MOB3B: variants seen among roughly 807,000 people sequenced by gnomAD.
MOB3B encodes MOB kinase activator 3B, also known as MOB kinase activator-like 2B.
MOB3B carries 7 observed loss-of-function variants against 18.7 expected under a neutral mutation model. The observed-to-expected ratio is 0.37, with a 90% CI of 0.21 to 0.70. The LOEUF is 0.70. Ranked by LOEUF, MOB3B falls within the 30% of genes least tolerant of loss-of-function variation. The pLI is 0.52. For synonymous variants in MOB3B, 111 were observed against 99.9 expected (o/e 1.11, Z -0.66); for missense variants, 253 against 281.3 (o/e 0.90, Z 0.72).
intron 2 of MOB3B, among the ~76,000 whole-genome samples, chr9:27,432,535 T>G (rs755780803): frequency 3.1e-4 from 47 of 152,196 alleles, no homozygotes; most frequent in Non-Finnish European, 6.0e-4. Flanking sequence ...GCAAGTCTCT[T>G]TTGAATGGAA....
At chr9:27,380,348 T>A (rs1426242494) in intron 2 of MOB3B, among the ~76,000 whole-genome samples, 1 of 145,276 alleles carries the variant, frequency 6.9e-6, no homozygotes, top group African/African-American at 2.5e-5. Context: ...CACTGCAACC[T>A]CCGCCTCAGC....
At chr9:27,419,601 CA>C (rs1822209315) in intron 2 of MOB3B, among the ~76,000 whole-genome samples, 1 of 152,126 alleles carries the variant, frequency 6.6e-6, no homozygotes, top group Non-Finnish European at 1.5e-5. Flanking sequence ...TGGCTAGCCA[CA>C]AGTAGGAGAA....
chr9:27,376,071 T>C (rs187953106), intron 2 of MOB3B, among the ~76,000 whole-genome samples: 1 of 152,368 alleles, frequency 6.6e-6, no homozygotes, highest in East Asian at 1.9e-4. Flanking sequence ...TGTGTGTATG[T>C]ATATAGTTTT....
chr9:27,342,554 C>G (rs10812571), intron 3 of MOB3B, among the ~76,000 whole-genome samples: 2 of 151,788 alleles, frequency 1.3e-5, no homozygotes, highest in Non-Finnish European at 2.9e-5. Context: ...CTTGGCTCAC[C>G]GCAACCTCCC....
intron 2 of MOB3B, 96 bp from the exon 3 acceptor site, chr9:27,359,332 A>G: frequency 1.2e-6 from 1 of 846,112 alleles, no homozygotes; most frequent in Non-Finnish European, 1.8e-6. Flanking sequence ...GCAATGCTAC[A>G]GGGAGACTGG....
chr9:27,453,580 C>G (rs760739274), intron 2 of MOB3B, among the ~76,000 whole-genome samples: 6 of 152,240 alleles, frequency 3.9e-5, no homozygotes, highest in Non-Finnish European at 5.9e-5. Context: ...CTTCCTCTCT[C>G]TCAAGTAACA....
intron 1 of MOB3B, among the ~76,000 whole-genome samples, chr9:27,501,090 G>C (rs1056565051): frequency 6.6e-6 from 1 of 152,152 alleles, no homozygotes; most frequent in Non-Finnish European, 1.5e-5. Flanking sequence ...ACATTAAAAA[G>C]TCAGGAAACA....
intron 1 of MOB3B, among the ~76,000 whole-genome samples, chr9:27,490,894 A>G (rs1239901680): frequency 6.6e-6 from 1 of 152,162 alleles, no homozygotes; most frequent in African/African-American, 2.4e-5. Context: ...CAGAAAAGCA[A>G]ATTCGAAGGA....
chr9:27,507,417 A>T (rs957442778), intron 1 of MOB3B, among the ~76,000 whole-genome samples: 1 of 152,180 alleles, frequency 6.6e-6, no homozygotes, highest in Non-Finnish European at 1.5e-5. Context: ...GACATCTCTT[A>T]CGGTACTTTG....
At chr9:27,403,488 G>A (rs1193380910) in intron 2 of MOB3B, among the ~76,000 whole-genome samples, 4 of 138,694 alleles carry the variant, frequency 2.9e-5, no homozygotes, top group African/African-American at 1.1e-4. Flanking sequence ...CTCCTAAACT[G>A]CTTAATGCTT....
intron 1 of MOB3B, among the ~76,000 whole-genome samples, chr9:27,520,510 A>G (rs700795): frequency 0.24 from 36,945 of 152,084 alleles, 4,628 homozygotes; most frequent in Admixed American, 0.3. Flanking sequence ...TATTTTTGAG[A>G]TACATTCAAT....
intron 2 of MOB3B, among the ~76,000 whole-genome samples, chr9:27,432,577 T>A (rs564815007): frequency 5.4e-4 from 82 of 152,304 alleles, no homozygotes; most frequent in African/African-American, 1.9e-3. Flanking sequence ...ACACCGCTGA[T>A]CCTTATCTTC....
intron 1 of MOB3B, among the ~76,000 whole-genome samples, chr9:27,496,247 T>C (rs117770454): frequency 0.049 from 7,412 of 152,306 alleles, 277 homozygotes; most frequent in Middle Eastern, 0.11. Flanking sequence ...GTTTGCCAAG[T>C]AAACCACTAT....
At chr9:27,359,949 G>A (rs1435106125) in intron 2 of MOB3B, among the ~76,000 whole-genome samples, 1 of 152,188 alleles carries the variant, frequency 6.6e-6, no homozygotes, top group African/African-American at 2.4e-5. Flanking sequence ...CTTAAGTGGT[G>A]ACATGTTGTA....
chr9:27,376,733 C>A (rs1821494793), intron 2 of MOB3B, among the ~76,000 whole-genome samples: 2 of 152,224 alleles, frequency 1.3e-5, no homozygotes, highest in Admixed American at 1.3e-4. Context: ...ACCAGCAGCA[C>A]CAGCAATATC....
chr9:27,351,316 T>C (rs1455146605), intron 3 of MOB3B, among the ~76,000 whole-genome samples: 1 of 51,942 alleles, frequency 1.9e-5, no homozygotes, highest in Non-Finnish European at 4.0e-5. Flanking sequence ...AGTAGGTCAG[T>C]AATCTTAGTA....
At chr9:27,435,365 T>C (rs1306700677) in intron 2 of MOB3B, among the ~76,000 whole-genome samples, 3 of 152,134 alleles carry the variant, frequency 2.0e-5, no homozygotes, top group Non-Finnish European at 4.4e-5. Flanking sequence ...TTTTGTTTTC[T>C]TTTGTGTGTG....
chr9:27,495,934 G>C (rs943215704), intron 1 of MOB3B, among the ~76,000 whole-genome samples: 11 of 152,198 alleles, frequency 7.2e-5, no homozygotes, highest in African/African-American at 2.7e-4. Context: ...TGGAGGAACA[G>C]TAAGTACAGT....
chr9:27,426,546 G>C (rs547896003), intron 2 of MOB3B, among the ~76,000 whole-genome samples: 4 of 152,308 alleles, frequency 2.6e-5, no homozygotes, highest in African/African-American at 7.2e-5. Flanking sequence ...CCCCTGCAGG[G>C]ATTTCTGAAG....
Sources: allele counts gnomAD v4.1 joint callset (sites outside exome capture counted in the v4.1 genomes callset), GRCh38; gene constraint gnomAD v4.1.1; transcripts MANE v1.5; gene names NCBI Gene and HGNC (gene_info 2026-07-23, HGNC 2026-07-21).